SAMSN1: variants seen among roughly 807,000 people sequenced by gnomAD.
SAMSN1 encodes SAM domain, SH3 domain and nuclear localization signals 1.
In SAMSN1, 31 loss-of-function variants were observed where a neutral mutation model predicts 42.0. The ratio of observed to expected loss-of-function variants is 0.74; its 90% CI spans 0.55 to 1.00. SAMSN1 has a LOEUF of 1.00. SAMSN1 is among the 50% of genes least tolerant of loss of function. The probability of loss-of-function intolerance (pLI) is 0.00; values close to 1 mark genes in which losing one functional copy is unlikely to be tolerated. For missense variants in SAMSN1, 464 were observed against 439.4 expected, an observed-to-expected ratio of 1.06 and a Z score of -0.50; for synonymous variants, 178 against 151.9, an observed-to-expected ratio of 1.17 and a Z score of -1.26.
At chr21:14,574,323 A>C (rs1981393645) in intron 2 of SAMSN1, among the ~76,000 whole-genome samples, 1 of 152,170 alleles carries the variant, frequency 6.6e-6, no homozygotes, top group Admixed American at 6.5e-5. Flanking sequence ...TGATCATAGG[A>C]ACTAATCTAA....
At chr21:14,492,327 T>A (rs1986727531) in intron 7 of SAMSN1, among the ~76,000 whole-genome samples, 1 of 152,254 alleles carries the variant, frequency 6.6e-6, no homozygotes, top group African/African-American at 2.4e-5. Context: ...CCGATCTGCT[T>A]ATTACAAATA....
chr21:14,576,654 CCAT>C (rs67676810), intron 2 of SAMSN1, among the ~76,000 whole-genome samples: 24,118 of 152,072 alleles, frequency 0.16, 4,240 homozygotes, highest in African/African-American at 0.44. Flanking sequence ...AAGAATTTTT[CCAT>C]CATCCACACG....
chr21:14,582,055 T>C lies in SAMSN1; in HGVS notation c.261+81A>G, dbSNP rs1981748938. ...TCTGAAACTGATAAATTTCACTGAT[T>C]AGCACTTTTGCTATCTGTTTCTTTC... On this transcript the variant is annotated intron_variant, in intron 2 of 8. Coordinates refer to the SAMSN1 transcript ENST00000285670. The C allele has an allele frequency of 3.1e-6, 4 of 1,296,770 alleles. No homozygotes were observed. The South Asian group carries it at 6.6e-5, about 21-fold the overall frequency. The allele number at this position is 1,296,770 out of a possible 1,614,324, so 80.3% of individuals were successfully genotyped here. A position where few individuals can be genotyped will look rare whatever the true frequency, so the allele number is the denominator to read the frequency against.
At chr21:14,611,793 G>A (rs1982715153) in intron 4 of SAMSN1, among the ~76,000 whole-genome samples, 1 of 152,084 alleles carries the variant, frequency 6.6e-6, no homozygotes, top group Non-Finnish European at 1.5e-5. Context: ...ACCCATTGTG[G>A]GGTATCACTT....
At chr21:14,655,384 T>C (rs1220120143) in intron 1 of SAMSN1, among the ~76,000 whole-genome samples, 1 of 151,810 alleles carries the variant, frequency 6.6e-6, no homozygotes, top group East Asian at 1.9e-4. Context: ...ATATTCCTAT[T>C]AATGCAAGAA....
At chr21:14,522,522 A>G (rs1196284708) in intron 1 of SAMSN1, among the ~76,000 whole-genome samples, 2 of 152,208 alleles carry the variant, frequency 1.3e-5, no homozygotes, top group Admixed American at 6.5e-5. Flanking sequence ...AAAACTTTGT[A>G]CAACAAGGCC....
chr21:14,625,725 T>A (rs978739900), intron 2 of SAMSN1, among the ~76,000 whole-genome samples: 1 of 152,216 alleles, frequency 6.6e-6, no homozygotes, highest in Non-Finnish European at 1.5e-5. Context: ...ACAGATTCAA[T>A]GCCATCCCCA....
intron 1 of SAMSN1, among the ~76,000 whole-genome samples, chr21:14,645,818 G>T (rs781680372): frequency 6.6e-6 from 1 of 152,144 alleles, no homozygotes; most frequent in African/African-American, 2.4e-5. Flanking sequence ...AAACTGAAAT[G>T]ATTAAAAAGA....
At chr21:14,491,323 G>A (rs148732774) in intron 7 of SAMSN1, among the ~76,000 whole-genome samples, 7 of 150,822 alleles carry the variant, frequency 4.6e-5, no homozygotes, top group East Asian at 3.9e-4. Context: ...GCCCAGGCTC[G>A]TCTTGAACTC....
At chr21:14,612,651 T>C (rs541956446) in intron 4 of SAMSN1, 5 of 601,682 alleles carry the variant, frequency 8.3e-6, no homozygotes, top group Non-Finnish European at 1.6e-5. Flanking sequence ...TTATTCTGTT[T>C]AAATATAAAC....
intron 2 of SAMSN1, among the ~76,000 whole-genome samples, chr21:14,620,559 T>G (rs147390582): frequency 2.0e-4 from 31 of 152,332 alleles, no homozygotes; most frequent in African/African-American, 7.5e-4. Flanking sequence ...ACATTCAGTA[T>G]GCCAATGTGT....
upstream of SAMSN1, among the ~76,000 whole-genome samples, chr21:14,549,121 G>A (rs921366183): frequency 2.6e-5 from 4 of 152,138 alleles, no homozygotes; most frequent in East Asian, 5.8e-4. Context: ...AGTAAGGTGA[G>A]CCATAAAAGG....
intron 2 of SAMSN1, among the ~76,000 whole-genome samples, chr21:14,634,244 C>T (rs748390910): frequency 7.3e-5 from 11 of 151,690 alleles, no homozygotes; most frequent in Admixed American, 2.6e-4. Context: ...CCATTCAGGA[C>T]GTAGGTACAG....
chr21:14,580,347 G>A (rs1981663748), intron 2 of SAMSN1, among the ~76,000 whole-genome samples: 1 of 152,196 alleles, frequency 6.6e-6, no homozygotes, highest in South Asian at 2.1e-4. Context: ...GAAATGCCAA[G>A]TTAGGGAGTC....
chr21:14,521,075 CA>C (rs1432858727), intron 2 of SAMSN1, 74 bp downstream of exon 2: 29 of 930,346 alleles, frequency 3.1e-5, no homozygotes, highest in Non-Finnish European at 4.6e-5. Flanking sequence ...TTTTACTTTG[CA>C]AAAGTGACAT....
chr21:14,590,712 GT>G (rs1982058487), intron 7 of SAMSN1, among the ~76,000 whole-genome samples: 1 of 152,140 alleles, frequency 6.6e-6, no homozygotes, highest in Admixed American at 6.5e-5. Context: ...GAATGGGAAG[GT>G]GCTTAGAGAC....
intron 2 of SAMSN1, among the ~76,000 whole-genome samples, chr21:14,578,822 C>T (rs1981597637): frequency 6.6e-6 from 1 of 151,426 alleles, no homozygotes; most frequent in Non-Finnish European, 1.5e-5. Context: ...ATCATATCTG[C>T]ATATCTTGGC....
chr21:14,533,361 G>T (rs759225521), intron 1 of SAMSN1, among the ~76,000 whole-genome samples: 1 of 152,034 alleles, frequency 6.6e-6, no homozygotes, highest in Non-Finnish European at 1.5e-5. Context: ...TTTGATACAA[G>T]GTAAATTTGA....
At chr21:14,623,470 G>A (rs985883967) in intron 2 of SAMSN1, among the ~76,000 whole-genome samples, 1 of 152,174 alleles carries the variant, frequency 6.6e-6, no homozygotes, top group Non-Finnish European at 1.5e-5. Context: ...GGCAGGGGTT[G>A]CAATCCTAGT....
Sources: gnomAD v4.1 joint callset for allele counts (sites outside exome capture counted in the v4.1 genomes callset) on GRCh38, gnomAD v4.1.1 for gene constraint, MANE v1.5 for transcripts, NCBI Gene and HGNC (gene_info 2026-07-23, HGNC 2026-07-21) for gene names.